RANBP17: variants seen among roughly 807,000 people sequenced by gnomAD.
The protein encoded by RANBP17 is ran-binding protein 17.
In RANBP17, 158 loss-of-function variants were observed where a neutral mutation model predicts 141.2. The observed-to-expected ratio is 1.12, with a 90% CI of 0.98 to 1.28. The LOEUF (loss-of-function observed/expected upper bound fraction) is 1.28. Among genes scored for constraint, RANBP17 ranks in the 50% most tolerant of loss-of-function variants. The probability of loss-of-function intolerance (pLI) is 0.00; values close to 1 mark genes in which losing one functional copy is unlikely to be tolerated. For synonymous variants in RANBP17, 430 were observed against 450.0 expected (o/e 0.96, Z 0.56); for missense variants, 1,438 against 1,290.7 (o/e 1.11, Z -1.75).
intron 3 of RANBP17, among the ~76,000 whole-genome samples, chr5:170,888,234 T>C (rs1360650099): frequency 6.6e-6 from 1 of 152,232 alleles, no homozygotes; most frequent in Non-Finnish European, 1.5e-5. Context: ...AATCAGTTCA[T>C]TCATATACAC....
At chr5:171,168,942 C>T (rs1451753029) in intron 14 of RANBP17, among the ~76,000 whole-genome samples, 1 of 152,184 alleles carries the variant, frequency 6.6e-6, no homozygotes, top group East Asian at 1.9e-4. Context: ...TTCCTCCTCT[C>T]CCTCTTTTTC....
At chr5:171,094,248 G>A (rs1370516015) in intron 14 of RANBP17, among the ~76,000 whole-genome samples, 1 of 152,110 alleles carries the variant, frequency 6.6e-6, no homozygotes, top group Non-Finnish European at 1.5e-5. Context: ...GCCAACTAGT[G>A]TGTGTTTTAA....
intron 12 of RANBP17, among the ~76,000 whole-genome samples, chr5:170,943,335 T>C (rs1012001361): frequency 6.6e-6 from 1 of 152,146 alleles, no homozygotes; most frequent in African/African-American, 2.4e-5. Flanking sequence ...CTCATTTGTA[T>C]TATATTGTCT....
chr5:171,019,772 A>G (rs1780720218), intron 14 of RANBP17, among the ~76,000 whole-genome samples: 1 of 149,718 alleles, frequency 6.7e-6, no homozygotes, highest in Non-Finnish European at 1.5e-5. Context: ...AAGTTCTTCA[A>G]TTCAGTTCTT....
At chr5:171,239,926 T>C (rs565420607) in intron 22 of RANBP17, among the ~76,000 whole-genome samples, 1 of 152,266 alleles carries the variant, frequency 6.6e-6, no homozygotes, top group African/African-American at 2.4e-5. Context: ...TGGCAGCTAC[T>C]CCACTCCCAG....
At position 171,178,098 on chromosome 5, in the gene RANBP17, G is replaced by A. The variant is rs145282355; in HGVS notation, c.1866-5069G>A. ...AGGTTTGTTACATAGGTATACACAT[G>A]CCATGGTGGTTTGCTGCACCCATCA... On this transcript the variant is annotated intron_variant, in intron 16 of 27. Coordinates refer to ENST00000523189, the MANE Select transcript of RANBP17 (RefSeq NM_022897.5). Among the ~76,000 whole-genome samples, 825 of 151,044 alleles carry A rather than the reference G, an allele frequency of 5.5e-3. 7 individuals carry two copies. Among genetic ancestry groups the A allele is most frequent in the Non-Finnish European group, 6.5e-3 (442 of 67,870 alleles).
intron 12 of RANBP17, among the ~76,000 whole-genome samples, chr5:170,927,352 G>A (rs1214025710): frequency 6.6e-6 from 1 of 152,072 alleles, no homozygotes. Flanking sequence ...ACATGCCATG[G>A]TGGTTTGCTG....
At chr5:171,092,622 A>C (rs1295272080) in intron 14 of RANBP17, among the ~76,000 whole-genome samples, 1 of 152,236 alleles carries the variant, frequency 6.6e-6, no homozygotes, top group Non-Finnish European at 1.5e-5. Flanking sequence ...GGTTCTATCT[A>C]TCTGGAGAAA....
At chr5:170,982,935 C>A in intron 14 of RANBP17, 1 of 300,778 alleles carries the variant, frequency 3.3e-6, no homozygotes, top group Non-Finnish European at 6.3e-6. Context: ...CATTGTCTTG[C>A]CAATTTTGAG....
At chr5:170,909,850 C>T in intron 6 of RANBP17, 85 bp downstream of exon 6, 1 of 755,488 alleles carries the variant, frequency 1.3e-6, no homozygotes, top group Non-Finnish European at 2.3e-6. Flanking sequence ...GAATTTTCCC[C>T]CCAGTTTTGC....
intron 25 of RANBP17, among the ~76,000 whole-genome samples, chr5:171,277,938 C>CCTTTTTTTTTTTT (rs1554127986): frequency 2.8e-5 from 2 of 72,266 alleles, no homozygotes; most frequent in Non-Finnish European, 4.7e-5. Flanking sequence ...GGACTTCTTT[C>CCTTTTTTTTTTTT]TTTTTTTTTT....
chr5:171,242,751 A>C lies in RANBP17; in HGVS notation c.2707A>C (p.Ile903Leu), dbSNP rs771693928. The change falls in exon 24 of 28, where the codon ATC becomes CTC. Residue 903 changes from isoleucine to leucine, a missense_variant. Coordinates refer to ENST00000523189, the MANE Select transcript of RANBP17 (RefSeq NM_022897.5). Reference protein sequence around the residue: ...ECLTQDHMSFIINLEPPVLMY... With the variant: ...ECLTQDHMSFLINLEPPVLMY... ...TCTCACTCAGGACCATATGAGCTTC[A>C]TCATCAACTTAGAGCCTCCTGTACT... is the stretch of plus-strand genomic sequence containing the variant. 8 of 1,613,780 alleles carry C rather than the reference A, an allele frequency of 5.0e-6. No homozygotes were observed. The highest frequency in any genetic ancestry group is 6.8e-6 in the Non-Finnish European group (8 of 1,179,744).
chr5:170,901,047 C>T (rs1242020565), intron 5 of RANBP17, among the ~76,000 whole-genome samples: 1 of 152,140 alleles, frequency 6.6e-6, no homozygotes, highest in East Asian at 1.9e-4. Flanking sequence ...GAGCTGAGTT[C>T]AAGTCCTGAA....
intron 7 of RANBP17, chr5:170,911,510 G>T: frequency 2.5e-5 from 17 of 679,038 alleles, no homozygotes; most frequent in Non-Finnish European, 3.9e-5. Flanking sequence ...TTCAGGATCA[G>T]TGTTAGCAAA....
intron 14 of RANBP17, among the ~76,000 whole-genome samples, chr5:171,162,423 C>T (rs1759418197): frequency 2.0e-5 from 3 of 152,134 alleles, no homozygotes. Flanking sequence ...GCATTAGGTT[C>T]ATGCTGGTGG....
chr5:171,121,503 G>A (rs1756030606), intron 14 of RANBP17, among the ~76,000 whole-genome samples: 1 of 152,216 alleles, frequency 6.6e-6, no homozygotes, highest in Admixed American at 6.5e-5. Flanking sequence ...CAGGTTCTGA[G>A]TTGGCTGATT....
intron 14 of RANBP17, among the ~76,000 whole-genome samples, chr5:171,072,627 A>T (rs1784695460): frequency 4.6e-5 from 7 of 152,188 alleles, no homozygotes. Flanking sequence ...CAATAAATAA[A>T]TAATGGCAAG....
chr5:171,063,356 G>A (rs984288064), intron 14 of RANBP17, among the ~76,000 whole-genome samples: 9 of 152,206 alleles, frequency 5.9e-5, no homozygotes, highest in Non-Finnish European at 1.3e-4. Flanking sequence ...TGTCCTTTCT[G>A]TTTGTTAGCT....
intron 12 of RANBP17, among the ~76,000 whole-genome samples, chr5:170,925,629 C>T (rs567200280): frequency 6.6e-6 from 1 of 152,194 alleles, no homozygotes; most frequent in African/African-American, 2.4e-5. Context: ...CATCTTTGTT[C>T]CTCTTTCCAA....
Sources: gnomAD v4.1 joint callset for allele counts (sites outside exome capture counted in the v4.1 genomes callset) on GRCh38, gnomAD v4.1.1 for gene constraint, MANE v1.5 for transcripts, NCBI Gene and HGNC (gene_info 2026-07-23, HGNC 2026-07-21) for gene names.